Variants in ITGA1 observed in about 807,000 individuals in gnomAD.
ITGA1 encodes the protein integrin alpha-1.
Under a neutral mutation model 145.9 loss-of-function variants are expected in ITGA1, and 85 were observed. The observed-to-expected ratio is 0.58, with a 90% CI of 0.49 to 0.70. The LOEUF (loss-of-function observed/expected upper bound fraction) is 0.70. Ranked by LOEUF, ITGA1 falls within the 30% of genes least tolerant of loss-of-function variation. ITGA1 has a pLI of 0.00. For missense variants in ITGA1, 1,351 were observed against 1,418.7 expected (o/e 0.95, Z 0.77); for synonymous variants, 520 against 495.3 (o/e 1.05, Z -0.66).
At chr5:52,818,216 G>A (rs2860025) in intron 1 of ITGA1, among the ~76,000 whole-genome samples, 45,570 of 151,838 alleles carry the variant, frequency 0.3, 7,308 homozygotes, top group African/African-American at 0.42. Context: ...TATTCTTTTA[G>A]CATCAAGGCT....
chr5:52,873,392 C>A (rs553089818), intron 6 of ITGA1, among the ~76,000 whole-genome samples: 1 of 152,170 alleles, frequency 6.6e-6, no homozygotes, highest in East Asian at 1.9e-4. Flanking sequence ...ACGTCACTTT[C>A]ATTGTAGCAT....
At chr5:52,815,621 CA>C (rs1195216823) in intron 1 of ITGA1, among the ~76,000 whole-genome samples, 3 of 151,856 alleles carry the variant, frequency 2.0e-5, no homozygotes, top group African/African-American at 2.4e-5. Flanking sequence ...GGCTCCATTC[CA>C]AAAAATGGAA....
chr5:52,952,354 T>G, intron 28 of ITGA1, 53 bp from the exon 29 acceptor site: 2 of 964,066 alleles, frequency 2.1e-6, no homozygotes, highest in Non-Finnish European at 3.1e-6. Flanking sequence ...GATTAATATT[T>G]GCTACCTAAA....
intron 7 of ITGA1, among the ~76,000 whole-genome samples, chr5:52,884,640 G>A (rs1220157272): frequency 6.6e-6 from 1 of 152,144 alleles, no homozygotes; most frequent in East Asian, 1.9e-4. Context: ...AAGGAACAGG[G>A]CAGGGATTGG....
intron 14 of ITGA1, among the ~76,000 whole-genome samples, chr5:52,911,170 T>C (rs1750516439): frequency 7.3e-6 from 1 of 136,680 alleles, no homozygotes; most frequent in African/African-American, 2.6e-5. Flanking sequence ...GTATATAGAG[T>C]ACATATTGTA....
chr5:52,829,599 G>A (rs1283844833), intron 1 of ITGA1, among the ~76,000 whole-genome samples: 1 of 151,922 alleles, frequency 6.6e-6, no homozygotes, highest in Non-Finnish European at 1.5e-5. Context: ...GACTTTCAAA[G>A]GATATTTATC....
intron 6 of ITGA1, among the ~76,000 whole-genome samples, chr5:52,878,436 G>A (rs1301758950): frequency 6.6e-6 from 1 of 152,170 alleles, no homozygotes; most frequent in Non-Finnish European, 1.5e-5. Context: ...ACTATTCCTA[G>A]TGTGAAGATA....
At chr5:52,834,566 G>GAGAGAAGAAAGAA (rs1554042408) in intron 1 of ITGA1, among the ~76,000 whole-genome samples, 4 of 147,838 alleles carry the variant, frequency 2.7e-5, no homozygotes, top group Admixed American at 6.8e-5. Context: ...GAGAGAGAAA[G>GAGAGAAGAAAGAA]AGAGAAGAAA....
chr5:52,917,093 A>C (rs1292643046), intron 15 of ITGA1, among the ~76,000 whole-genome samples: 1 of 152,216 alleles, frequency 6.6e-6, no homozygotes, highest in East Asian at 1.9e-4. Context: ...CAAGTGACAG[A>C]TGATAGGAAA....
At chr5:52,875,398 A>G (rs983748420) in intron 6 of ITGA1, among the ~76,000 whole-genome samples, 2 of 152,158 alleles carry the variant, frequency 1.3e-5, no homozygotes, top group African/African-American at 2.4e-5. Context: ...TGTTCATGTA[A>G]CAAAATTCAT....
intron 2 of ITGA1, among the ~76,000 whole-genome samples, chr5:52,858,444 T>C (rs1749550072): frequency 6.6e-6 from 1 of 152,242 alleles, no homozygotes; most frequent in African/African-American, 2.4e-5. Flanking sequence ...TGTATAGTTG[T>C]GCTTCTCTCT....
intron 6 of ITGA1, among the ~76,000 whole-genome samples, chr5:52,869,271 G>A (rs760939503): frequency 4.0e-4 from 61 of 152,016 alleles, no homozygotes; most frequent in Non-Finnish European, 7.4e-4. Context: ...AGCAATTCTC[G>A]TGCCTCAGCC....
chr5:52,872,575 A>ATTTTTTTTTTTTTTTTTT lies in ITGA1; in HGVS notation c.624+6759_624+6776dup, dbSNP rs58664401. Reference sequence around the variant, plus strand: ...CTTCCCCTTACACCCGCCTCAGTCAATTTTTTTTTTTTTTTTTTGTGGGTG... The same window carrying ATTTTTTTTTTTTTTTTTT: ...CTTCCCCTTACACCCGCCTCAGTCAATTTTTTTTTTTTTTTTTTTTTTTTTTTTTTTTTTTTGTGGGTG... On this transcript the variant is annotated intron_variant, in intron 6 of 28. Coordinates refer to ENST00000282588, the MANE Select transcript of ITGA1 (RefSeq NM_181501.2). Among the ~76,000 whole-genome samples the ATTTTTTTTTTTTTTTTTT allele has an allele frequency of 1.6e-4, 16 of 98,362 alleles. 1 individual carries two copies. Among genetic ancestry groups the ATTTTTTTTTTTTTTTTTT allele is most frequent in the Admixed American group, 2.7e-4 (2 of 7,374 alleles). 64.5% of individuals were successfully genotyped at this position (98,362 alleles called of 152,430 possible). A position where few individuals can be genotyped will look rare whatever the true frequency, so the allele number is the denominator to read the frequency against.
intron 14 of ITGA1, among the ~76,000 whole-genome samples, chr5:52,914,202 A>G (rs186235663): frequency 1.6e-4 from 25 of 152,342 alleles, no homozygotes; most frequent in African/African-American, 4.3e-4. Context: ...TTACTGGCAA[A>G]ATGTTTTTCC....
At chr5:52,947,797 A>T (rs573011628) in intron 28 of ITGA1, among the ~76,000 whole-genome samples, 1 of 152,280 alleles carries the variant, frequency 6.6e-6, no homozygotes, top group South Asian at 2.1e-4. Flanking sequence ...TAAACAGAGA[A>T]CAATGAAAAC....
intron 7 of ITGA1, among the ~76,000 whole-genome samples, chr5:52,885,116 G>A (rs1561237127): frequency 2.6e-5 from 4 of 152,110 alleles, no homozygotes; most frequent in Admixed American, 2.6e-4. Context: ...TGCAAGCTAT[G>A]AGGGAAAGGT....
intron 2 of ITGA1, among the ~76,000 whole-genome samples, chr5:52,850,251 C>T (rs1197182257): frequency 6.6e-6 from 1 of 152,074 alleles, no homozygotes; most frequent in Non-Finnish European, 1.5e-5. Context: ...CCACCCACCT[C>T]AGCCTCCGAA....
chr5:52,911,035 GTATA>G (rs369304380), intron 14 of ITGA1, among the ~76,000 whole-genome samples: 217 of 6,510 alleles, frequency 0.033, 1 homozygote, highest in South Asian at 0.28. Context: ...TATGTATACT[GTATA>G]TACTATATAT....
chr5:52,801,079 G>A (rs1748469746), intron 1 of ITGA1: 1 of 1,610,344 alleles, frequency 6.2e-7, no homozygotes, highest in Non-Finnish European at 8.5e-7. Flanking sequence ...AGTGAAGACC[G>A]ACAACAAACT....
Sources: allele counts gnomAD v4.1 joint callset (sites outside exome capture counted in the v4.1 genomes callset), GRCh38; gene constraint gnomAD v4.1.1; transcripts MANE v1.5; gene names NCBI Gene and HGNC (gene_info 2026-07-23, HGNC 2026-07-21).